NRG1: variants seen among roughly 807,000 people sequenced by gnomAD.
The protein encoded by NRG1 is pro-neuregulin-1, membrane-bound isoform.
In NRG1, 18 loss-of-function variants were observed where a neutral mutation model predicts 63.8. That is an observed-to-expected ratio of 0.28 (90% confidence interval 0.19 to 0.42). The LOEUF (loss-of-function observed/expected upper bound fraction) is 0.42, where lower values mean the gene tolerates loss of function less well. Ranked by LOEUF, NRG1 falls within the 10% of genes least tolerant of loss-of-function variation. The pLI, the probability that NRG1 is intolerant of heterozygous loss-of-function variation, is 1.00. For synonymous variants in NRG1, 302 were observed against 301.3 expected (o/e 1.00, Z -0.02); for missense variants, 762 against 814.7 (o/e 0.94, Z 0.79).
chr8:32,730,146 A>G (rs1823267682), intron 6 of NRG1, among the ~76,000 whole-genome samples: 1 of 152,246 alleles, frequency 6.6e-6, no homozygotes, highest in African/African-American at 2.4e-5. Flanking sequence ...TGCAAAAAAT[A>G]TTAAAGCAAG....
At chr8:32,550,614 C>T (rs1434578819) in intron 1 of NRG1, among the ~76,000 whole-genome samples, 3 of 152,194 alleles carry the variant, frequency 2.0e-5, no homozygotes, top group Admixed American at 6.5e-5. Flanking sequence ...AGTACCGTAA[C>T]ACAGCAACTT....
At chr8:32,706,552 G>GGT (rs10604171) in intron 5 of NRG1, among the ~76,000 whole-genome samples, 18,989 of 150,762 alleles carry the variant, frequency 0.13, 1,269 homozygotes, top group Middle Eastern at 0.23. Context: ...GGTATATATA[G>GGT]GTGTGTGTGT....
exon 1 of NRG1, chr8:31,639,289 C>G (rs111605550): frequency 1.5e-5 from 21 of 1,389,704 alleles, no homozygotes; most frequent in Non-Finnish European, 2.1e-5. Context: ...GTTTGCCGCC[C>G]GTCCTCCCAT....
intron 1 of NRG1, among the ~76,000 whole-genome samples, chr8:31,674,247 C>T (rs1807449979): frequency 6.6e-6 from 1 of 152,158 alleles, no homozygotes; most frequent in African/African-American, 2.4e-5. Flanking sequence ...TTTGTGCAGA[C>T]ATACATTTTA....
Position 32,372,230 on chromosome 8 carries a change from T to C in NRG1, c.38-223598T>C, listed in dbSNP as rs145389466. On this transcript the variant is annotated intron_variant, in intron 1 of 10. Coordinates refer to the NRG1 transcript ENST00000519301. ...TCTCAAACTCCTGGCCTCAAACAAA[T>C]CCTCTCTCCTCAGCCTCCCAAAGTG... Among the ~76,000 whole-genome samples the C allele has an allele frequency of 4.9e-4, 74 of 151,982 alleles. 2 individuals are homozygous for C. The highest frequency in any genetic ancestry group is 1.8e-3 in the African/African-American group (74 of 41,464).
At chr8:31,727,890 C>A (rs1462539994) in intron 1 of NRG1, among the ~76,000 whole-genome samples, 1 of 152,058 alleles carries the variant, frequency 6.6e-6, no homozygotes, top group Non-Finnish European at 1.5e-5. Flanking sequence ...TCGAGGCCAT[C>A]ATGAAGGAAA....
At chr8:32,236,220 G>A (rs955056786) in intron 1 of NRG1, among the ~76,000 whole-genome samples, 16 of 151,836 alleles carry the variant, frequency 1.1e-4, no homozygotes, top group African/African-American at 3.1e-4. Flanking sequence ...AAAAGGTCTT[G>A]CCCCACCCTG....
At chr8:31,942,877 G>GAAA (rs34734344) in intron 1 of NRG1, among the ~76,000 whole-genome samples, 2 of 147,408 alleles carry the variant, frequency 1.4e-5, no homozygotes, top group South Asian at 2.1e-4. Context: ...ATAATAAAAA[G>GAAA]AAAAAAAAAA....
chr8:32,510,122 A>AATAATC (rs1554566692), intron 1 of NRG1, among the ~76,000 whole-genome samples: 17 of 116,830 alleles, frequency 1.5e-4, no homozygotes, highest in African/African-American at 4.9e-4. Flanking sequence ...TAATAATAAT[A>AATAATC]ATAATCATAA....
chr8:32,667,878 T>C (rs1589093570), intron 5 of NRG1, among the ~76,000 whole-genome samples: 1 of 152,226 alleles, frequency 6.6e-6, no homozygotes, highest in African/African-American at 2.4e-5. Flanking sequence ...ATAACGATGA[T>C]GGCAAAGGGG....
At chr8:32,096,795 A>C (rs892460758) in intron 1 of NRG1, among the ~76,000 whole-genome samples, 1 of 152,176 alleles carries the variant, frequency 6.6e-6, no homozygotes, top group African/African-American at 2.4e-5. Flanking sequence ...CTATTTATGA[A>C]GGTTTCACAT....
chr8:31,945,672 C>G (rs1802434383), intron 1 of NRG1, among the ~76,000 whole-genome samples: 3 of 152,188 alleles, frequency 2.0e-5, no homozygotes, highest in South Asian at 4.1e-4. Flanking sequence ...AGCCGCAGCT[C>G]CCTTTCGACA....
At chr8:32,082,116 G>A (rs182452939) in intron 1 of NRG1, among the ~76,000 whole-genome samples, 2 of 151,886 alleles carry the variant, frequency 1.3e-5, no homozygotes, top group African/African-American at 4.8e-5. Flanking sequence ...GTTTGAGCTT[G>A]TTGACAAAAA....
intron 1 of NRG1, among the ~76,000 whole-genome samples, chr8:32,179,951 A>G (rs1233264793): frequency 6.6e-6 from 1 of 152,184 alleles, no homozygotes; most frequent in Middle Eastern, 3.2e-3. Flanking sequence ...AAAGATGTAT[A>G]CAAACCCCGC....
chr8:31,829,655 A>G (rs1359318403), intron 1 of NRG1, among the ~76,000 whole-genome samples: 1 of 151,992 alleles, frequency 6.6e-6, no homozygotes, highest in Non-Finnish European at 1.5e-5. Context: ...GTGTAAAACC[A>G]CTATAGTCTT....
chr8:32,232,921 T>A (rs1416425955), intron 1 of NRG1, among the ~76,000 whole-genome samples: 1 of 152,202 alleles, frequency 6.6e-6, no homozygotes, highest in East Asian at 1.9e-4. Flanking sequence ...TCATTTCTAC[T>A]CTTATCTACA....
intron 1 of NRG1, among the ~76,000 whole-genome samples, chr8:31,961,128 G>A (rs1805384682): frequency 6.6e-6 from 1 of 152,174 alleles, no homozygotes; most frequent in Non-Finnish European, 1.5e-5. Flanking sequence ...TTTACTCAGA[G>A]TAGTAGAATC....
intron 1 of NRG1, among the ~76,000 whole-genome samples, chr8:32,251,527 T>C (rs1849105903): frequency 6.6e-6 from 1 of 152,210 alleles, no homozygotes; most frequent in Non-Finnish European, 1.5e-5. Flanking sequence ...TATGTGTGCA[T>C]GTGTCTTTAT....
intron 1 of NRG1, among the ~76,000 whole-genome samples, chr8:31,906,732 T>C (rs375106934): frequency 6.6e-6 from 1 of 152,132 alleles, no homozygotes; most frequent in Non-Finnish European, 1.5e-5. Context: ...ACTTCATTGC[T>C]TTGTTAGAAT....
Sources: allele counts gnomAD v4.1 joint callset (sites outside exome capture counted in the v4.1 genomes callset), GRCh38; gene constraint gnomAD v4.1.1; transcripts MANE v1.5; gene names NCBI Gene and HGNC (gene_info 2026-07-23, HGNC 2026-07-21).